MYO10: variants seen among roughly 807,000 people sequenced by gnomAD.
MYO10 encodes the protein unconventional myosin-X.
A neutral mutation model predicts 257.3 loss-of-function variants in MYO10; 133 were observed. That is an observed-to-expected ratio of 0.52 (90% CI 0.45 to 0.60). MYO10 has a LOEUF of 0.60. MYO10 is among the 20% of genes least tolerant of loss of function. The pLI is 0.00. For synonymous variants in MYO10, 1,104 were observed against 1,028.6 expected (o/e 1.07, Z -1.40); for missense variants, 2,399 against 2,635.7 (o/e 0.91, Z 1.97).
chr5:16,935,353 G>T (rs1398244343), intron 1 of MYO10, among the ~76,000 whole-genome samples: 1 of 152,152 alleles, frequency 6.6e-6, no homozygotes, highest in South Asian at 2.1e-4. Context: ...CCCCTGCACA[G>T]GAAGCCCGCA....
intron 19 of MYO10, among the ~76,000 whole-genome samples, chr5:16,725,787 CTTTT>C (rs35020175): frequency 2.2e-4 from 30 of 138,240 alleles, no homozygotes; most frequent in Non-Finnish European, 2.8e-4. Context: ...CAGGTACCCC[CTTTT>C]TTTTTTTTTT....
At chr5:16,786,340 A>G (rs1011838687) in intron 4 of MYO10, among the ~76,000 whole-genome samples, 2 of 152,212 alleles carry the variant, frequency 1.3e-5, no homozygotes, top group African/African-American at 4.8e-5. Flanking sequence ...TGTATGACAC[A>G]TTGAGAAAAA....
At chr5:16,744,622 C>T (rs949008775) in intron 19 of MYO10, among the ~76,000 whole-genome samples, 2 of 151,776 alleles carry the variant, frequency 1.3e-5, no homozygotes, top group African/African-American at 2.4e-5. Flanking sequence ...CCAGGCCCTG[C>T]GGGTAACTAA....
chr5:16,700,910 G>T, intron 25 of MYO10, 53 bp downstream of exon 25: 2 of 1,489,136 alleles, frequency 1.3e-6, no homozygotes, highest in African/African-American at 1.4e-5. Flanking sequence ...ATGCAACAGG[G>T]GTGGGTGTGA....
intron 2 of MYO10, among the ~76,000 whole-genome samples, chr5:16,839,035 G>A (rs542298798): frequency 2.6e-5 from 4 of 152,300 alleles, no homozygotes; most frequent in African/African-American, 9.6e-5. Context: ...AGATGTACAA[G>A]GAGATTCATG....
At chr5:16,774,908 G>A (rs1218283709) in intron 9 of MYO10, among the ~76,000 whole-genome samples, 1 of 152,032 alleles carries the variant, frequency 6.6e-6, no homozygotes, top group Non-Finnish European at 1.5e-5. Context: ...TCACGCATGC[G>A]TACACAAGGT....
chr5:16,702,822 G>A, intron 23 of MYO10, 103 bp downstream of exon 23: 4 of 1,119,328 alleles, frequency 3.6e-6, no homozygotes, highest in Non-Finnish European at 5.1e-6. Flanking sequence ...TCAAATTGTA[G>A]GTTCTGGGGC....
intron 19 of MYO10, among the ~76,000 whole-genome samples, chr5:16,717,971 C>T (rs968030296): frequency 1.3e-5 from 2 of 152,218 alleles, no homozygotes; most frequent in South Asian, 4.1e-4. Context: ...CGAGCGGGAA[C>T]CGGGGCTGCG....
chr5:16,903,668 T>C (rs1159631082), intron 1 of MYO10, among the ~76,000 whole-genome samples: 2 of 152,136 alleles, frequency 1.3e-5, no homozygotes, highest in African/African-American at 4.8e-5. Context: ...TAGTCCAGCC[T>C]AGCACCTGGC....
intron 18 of MYO10, among the ~76,000 whole-genome samples, chr5:16,757,303 C>CAA (rs1740560913): frequency 1.3e-5 from 1 of 75,348 alleles, no homozygotes; most frequent in African/African-American, 4.8e-5. Flanking sequence ...CACACACAAA[C>CAA]ACACACACAC....
chr5:16,915,819 T>C (rs1164325836), intron 1 of MYO10, among the ~76,000 whole-genome samples: 1 of 152,116 alleles, frequency 6.6e-6, no homozygotes, highest in Non-Finnish European at 1.5e-5. Flanking sequence ...TAGCCGGGTG[T>C]GGTGGCATGC....
intron 19 of MYO10, among the ~76,000 whole-genome samples, chr5:16,730,900 G>T (rs146993802): frequency 1.9e-4 from 29 of 152,150 alleles, no homozygotes; most frequent in Non-Finnish European, 2.2e-4. Flanking sequence ...GTCCTTTGAT[G>T]AATTACAAGG....
At chr5:16,814,493 G>C (rs983222956) in intron 3 of MYO10, 19 of 152,118 alleles carry the variant, frequency 1.2e-4, no homozygotes, top group African/African-American at 3.9e-4. Context: ...TGGTTATCCA[G>C]CAAAAGAAAA....
chr5:16,783,310 T>C lies in MYO10; in HGVS notation c.602+25A>G, dbSNP rs762851398. On this transcript the variant is annotated intron_variant, in intron 5 of 40. Transcript: ENST00000513610. ...CATAAGGAAAGTGAATCCTATTAGT[T>C]GGAAACAAGAAAATCAATAAATACC... 5 of 1,538,060 alleles carry C rather than the reference T, an allele frequency of 3.3e-6. No homozygotes were observed. In the South Asian group the frequency reaches 6.3e-5, roughly 19 times the overall value.
chr5:16,696,569 T>A lies in MYO10; in HGVS notation c.3557-1955A>T, dbSNP rs977132564. 2.9e-4 allele frequency among the ~76,000 whole-genome samples: 44 copies of A among 152,164 alleles called. 1 individual carries two copies. The highest frequency in any genetic ancestry group is 4.1e-4 in the Non-Finnish European group (28 of 68,024). On this transcript the variant is annotated intron_variant, in intron 26 of 40. Coordinates refer to ENST00000513610, the MANE Select transcript of MYO10 (RefSeq NM_012334.3). ...TTTAATCCAGTAACTGTATAATAAA[T>A]CAATGCTGCCGGGCGTGGTGTCTCA...
Position 16,783,486 on chromosome 5 carries a change from A to C in MYO10, c.468-17T>G, listed in dbSNP as rs192442934. 6.2e-7 allele frequency: 1 copy of C among 1,604,024 alleles called. No homozygotes were observed. Among genetic ancestry groups the C allele is most frequent in the East Asian group, 2.2e-5 (1 of 44,750 alleles). On this transcript the variant is annotated splice_polypyrimidine_tract_variant and intron_variant, in intron 4 of 40. Coordinates refer to ENST00000513610, the MANE Select transcript of MYO10 (RefSeq NM_012334.3). ...CTTTCACCACTGAAAGACAAAACGG[A>C]AAAGTTTGTGCTTCTAACTATAATT...
chr5:16,698,269 A>G (rs1268915324), intron 26 of MYO10, among the ~76,000 whole-genome samples: 1 of 152,146 alleles, frequency 6.6e-6, no homozygotes, highest in Admixed American at 6.5e-5. Context: ...AGGCTGCGGC[A>G]GGAAGATGGC....
intron 1 of MYO10, among the ~76,000 whole-genome samples, chr5:16,913,451 C>T (rs1408350354): frequency 1.3e-5 from 2 of 152,202 alleles, no homozygotes; most frequent in Admixed American, 6.6e-5. Context: ...AAGCTCAAGA[C>T]TGAATGATTA....
chr5:16,765,426 C>T (rs1362513603), intron 11 of MYO10, among the ~76,000 whole-genome samples: 3 of 152,184 alleles, frequency 2.0e-5, no homozygotes, highest in African/African-American at 4.8e-5. Context: ...AGCTTGCACA[C>T]AGCCTATTGT....
Sources: gnomAD v4.1 joint callset for allele counts (sites outside exome capture counted in the v4.1 genomes callset) on GRCh38, gnomAD v4.1.1 for gene constraint, MANE v1.5 for transcripts, NCBI Gene and HGNC (gene_info 2026-07-23, HGNC 2026-07-21) for gene names.